The following TSEN54 variants were observed in gnomAD, a reference collection of about 807,000 sequenced individuals.
The protein encoded by TSEN54 is tRNA splicing endonuclease subunit 54.
A neutral mutation model predicts 61.9 loss-of-function variants in TSEN54; 55 were observed. The observed-to-expected ratio is 0.89, with a 90% CI of 0.72 to 1.11. The LOEUF (loss-of-function observed/expected upper bound fraction) is 1.11, where lower values mean the gene tolerates loss of function less well. Ranked by LOEUF, TSEN54 falls within the 50% of genes most tolerant of loss-of-function variation. The pLI, the probability that TSEN54 is intolerant of heterozygous loss-of-function variation, is 0.00. For missense variants in TSEN54, 760 were observed against 687.7 expected, an observed-to-expected ratio of 1.11 and a Z score of -1.18; for synonymous variants, 304 against 288.7, an observed-to-expected ratio of 1.05 and a Z score of -0.54.
intron 8 of TSEN54, 185 bp downstream of exon 8, chr17:75,522,518 G>A: frequency 6.8e-7 from 1 of 1,470,702 alleles, no homozygotes; most frequent in Non-Finnish European, 9.0e-7. Flanking sequence ...AAGGCTTAGA[G>A]ATGGTGAGTC....
Position 75,524,456 on chromosome 17 carries a change from G to A in TSEN54, c.*44G>A, listed in dbSNP as rs759216723. On this transcript the variant is annotated 3_prime_UTR_variant, in exon 11 of 11. Transcript: ENST00000333213. ...GATGGAGCTTGCTCCGGGGGACCGG[G>A]ACTGTCTGTTCTCAGGGACCATCTC... is the stretch of plus-strand genomic sequence containing the variant. 2.5e-6 allele frequency: 4 copies of A among 1,612,382 alleles called. No homozygotes were observed. Among genetic ancestry groups the A allele is most frequent in the African/African-American group, 1.3e-5 (1 of 74,926 alleles).
chr17:75,524,720 A>G lies in TSEN54; in HGVS notation c.*308A>G. ...CGTGCTATAAAGCCAAAGCCATTAA[A>G]AATAGATTTCTTTTCTGCTGTTTCT... On this transcript the variant is annotated 3_prime_UTR_variant, in exon 11 of 11. Transcript: ENST00000333213. 1 of 460,398 alleles carries G rather than the reference A, an allele frequency of 2.2e-6. No homozygotes were observed. The highest frequency in any genetic ancestry group is 3.4e-5 in the Admixed American group (1 of 29,598). 28.5% of individuals were successfully genotyped at this position (460,398 alleles called of 1,614,324 possible).
chr17:75,516,567 C>A lies in TSEN54; in HGVS notation c.7C>A (p.Pro3Thr). ME[P>T]EPEPAAVEVP... is the part of the protein sequence containing the mutation. ...AGCGGCAGGCGGCGGCGGGATGGAGCCCGAGCCCGAGCCCGCGGCCGTGGA... is the reference window on the plus strand; with the variant it reads ...AGCGGCAGGCGGCGGCGGGATGGAGACCGAGCCCGAGCCCGCGGCCGTGGA... Residue 3 changes from proline to threonine, a missense_variant, in exon 1 of 11, where the codon CCC becomes ACC. Pro to Thr is a conservative substitution (Grantham distance 38). This residue lies in a region of TSEN54 where 667 missense variants were observed against 577.8 expected (regional missense o/e 1.15). Coordinates refer to ENST00000333213, the MANE Select transcript of TSEN54 (RefSeq NM_207346.3). The A allele has an allele frequency of 1.7e-6, 2 of 1,146,406 alleles. No homozygotes were observed. The highest frequency in any genetic ancestry group is 2.1e-6 in the Non-Finnish European group (2 of 934,972). 71.0% of individuals were successfully genotyped at this position (1,146,406 alleles called of 1,614,324 possible).
At chr17:75,523,215 G>C (rs756101271) in intron 8 of TSEN54, 60 bp from the exon 9 acceptor site, 15 of 1,612,140 alleles carry the variant, frequency 9.3e-6, no homozygotes, top group Admixed American at 1.7e-5. Context: ...TCCTAAACTA[G>C]ATGGCAGACT....
intron 10 of TSEN54, 76 bp from the exon 11 acceptor site, chr17:75,524,186 G>C: frequency 6.2e-7 from 1 of 1,603,578 alleles, no homozygotes; most frequent in South Asian, 1.1e-5. Context: ...TCCTTCCGTA[G>C]AATCTCTTCT....
chr17:75,520,338 C>T (rs553507418), intron 6 of TSEN54, among the ~76,000 whole-genome samples: 4 of 149,948 alleles, frequency 2.7e-5, no homozygotes, highest in Non-Finnish European at 4.4e-5. Context: ...GGGAGGCCGA[C>T]GCGGGCGGAT....
In TSEN54 at chr17:75,518,088, A is replaced by G. The variant is rs373652958; in HGVS notation, c.468+433A>G. 2.0e-5 allele frequency among the ~76,000 whole-genome samples: 3 copies of G among 152,338 alleles called. No individual in the cohort carries two copies. In the East Asian group the frequency reaches 5.8e-4, roughly 29 times the overall value. On this transcript the variant is annotated intron_variant, in intron 5 of 10. Transcript: ENST00000333213. ...TGCACCAGTGGATGAAGGTGCTGTC[A>G]TTTTCTGAGTGGGAAGAATGAAGAG...
chr17:75,519,365 A>C (rs1216074256), intron 6 of TSEN54, among the ~76,000 whole-genome samples: 1 of 152,210 alleles, frequency 6.6e-6, no homozygotes, highest in African/African-American at 2.4e-5. Context: ...AGGTATGTAG[A>C]GTGTATGCTT....
intron 6 of TSEN54, among the ~76,000 whole-genome samples, chr17:75,520,112 A>G (rs1225535842): frequency 3.3e-5 from 5 of 152,216 alleles, no homozygotes; most frequent in Admixed American, 3.3e-4. Context: ...AGAGTTGAAC[A>G]AGAGGCAGGC....
Position 75,524,539 on chromosome 17 carries a change from G to T in TSEN54, c.*127G>T. ...GCTTCAGAGGCCAGTCTGGGCCTTG[G>T]CCCTGGGTGTCTGATACTCACAGAG... is the stretch of plus-strand genomic sequence containing the variant. On this transcript the variant is annotated 3_prime_UTR_variant, in exon 11 of 11. Coordinates refer to ENST00000333213, the MANE Select transcript of TSEN54 (RefSeq NM_207346.3). 1 of 1,212,302 alleles carries T rather than the reference G, an allele frequency of 8.2e-7. No individual in the cohort carries two copies. The highest frequency in any genetic ancestry group is 1.2e-6 in the Non-Finnish European group (1 of 830,614). The allele number at this position is 1,212,302 out of a possible 1,614,324, so 75.1% of individuals were successfully genotyped here.
At chr17:75,518,723 G>C in intron 5 of TSEN54, 1 of 985,306 alleles carries the variant, frequency 1.0e-6, no homozygotes, top group South Asian at 4.7e-5. Flanking sequence ...AGGGCGTGGT[G>C]GTTTTCTGGT....
chr17:75,522,992 G>C (rs1248050873), intron 8 of TSEN54: 4 of 420,248 alleles, frequency 9.5e-6, no homozygotes, highest in Non-Finnish European at 1.3e-5. Flanking sequence ...ACCAACCTGG[G>C]CAACATGGTG....
chr17:75,516,649 G>A (rs1395013816), intron 1 of TSEN54, 33 bp downstream of exon 1: 2 of 1,237,680 alleles, frequency 1.6e-6, no homozygotes, highest in East Asian at 6.7e-5. Flanking sequence ...TGGGTGTCGG[G>A]GGCGCGGGGC....
At chr17:75,520,438 C>CAAAA (rs1568002506) in intron 6 of TSEN54, among the ~76,000 whole-genome samples, 1 of 114,858 alleles carries the variant, frequency 8.7e-6, no homozygotes, top group African/African-American at 3.4e-5. Context: ...AAAAAAAAAT[C>CAAAA]AGCCAGGTGT....
At position 75,522,167 on chromosome 17, in the gene TSEN54, C is replaced by G; in HGVS notation, c.1086C>G (p.Phe362Leu). 2 of 1,553,428 alleles carry G rather than the reference C, an allele frequency of 1.3e-6. No homozygotes were observed. Among genetic ancestry groups the G allele is most frequent in the South Asian group, 1.2e-5 (1 of 84,624 alleles). ...EREHHAEAAQ[F>L]QEDVNADPEV... ...AGCACCACGCGGAGGCCGCGCAGTT[C>G]CAGGAAGATGTCAACGCCGATCCCG... Residue 362 changes from phenylalanine to leucine, a missense_variant, in exon 8 of 11, where the codon TTC (phenylalanine) becomes TTG (leucine). Around this residue, in one of 3 missense-constraint regions of TSEN54, gnomAD observed 667 missense variants for 577.8 expected, o/e 1.15. Coordinates refer to ENST00000333213, the MANE Select transcript of TSEN54 (RefSeq NM_207346.3).
chr17:75,520,414 C>T (rs1170965003), intron 6 of TSEN54, among the ~76,000 whole-genome samples: 2 of 124,680 alleles, frequency 1.6e-5, no homozygotes, highest in Non-Finnish European at 3.3e-5. Context: ...TACTAAAATA[C>T]CAAAAAAAAA....
chr17:75,519,729 A>AT (rs1197895256), intron 6 of TSEN54, among the ~76,000 whole-genome samples: 2 of 151,546 alleles, frequency 1.3e-5, no homozygotes, highest in East Asian at 1.9e-4. Flanking sequence ...TGCCTGGCTA[A>AT]TTTTTTTATT....
chr17:75,521,366 G>A (rs2053425260), intron 6 of TSEN54, 43 bp from the exon 7 acceptor site: 1 of 1,523,714 alleles, frequency 6.6e-7, no homozygotes, highest in Non-Finnish European at 9.1e-7. Context: ...TCCCCAGGCT[G>A]AGGAGGTGGG....
intron 8 of TSEN54, 181 bp from the exon 9 acceptor site, chr17:75,523,094 G>C: frequency 1.4e-6 from 1 of 726,740 alleles, no homozygotes; most frequent in Non-Finnish European, 2.4e-6. Flanking sequence ...CAGGAGAATT[G>C]CTTGAACCTG....
Sources: gnomAD v4.1 joint callset for allele counts (sites outside exome capture counted in the v4.1 genomes callset) on GRCh38, gnomAD v4.1.1 for gene constraint, gnomAD v4.1.1 regional missense constraint, MANE v1.5 for transcripts, NCBI Gene and HGNC (gene_info 2026-07-23, HGNC 2026-07-21) for gene names.